The following GTF2F2 variants were observed in gnomAD, a reference collection of about 807,000 sequenced individuals.
GTF2F2 encodes general transcription factor IIF subunit 2.
Under a neutral mutation model 42.2 loss-of-function variants are expected in GTF2F2, and 23 were observed. That is an observed-to-expected ratio of 0.55 (90% CI 0.39 to 0.77). The LOEUF (loss-of-function observed/expected upper bound fraction) is 0.77. GTF2F2 is among the 30% of genes least tolerant of loss of function. The pLI is 0.00. For synonymous variants in GTF2F2, 105 were observed against 100.8 expected (o/e 1.04, Z -0.25); for missense variants, 261 against 287.2 (o/e 0.91, Z 0.66).
At chr13:45,198,684 T>G (rs1302472530) in intron 4 of GTF2F2, among the ~76,000 whole-genome samples, 4 of 152,210 alleles carry the variant, frequency 2.6e-5, no homozygotes, top group Non-Finnish European at 5.9e-5. Context: ...ATCTCTGCCT[T>G]GGACTTGCCC....
intron 4 of GTF2F2, among the ~76,000 whole-genome samples, chr13:45,169,106 C>T (rs1343532419): frequency 4.6e-5 from 7 of 151,752 alleles, no homozygotes; most frequent in East Asian, 1.9e-4. Context: ...CCGATCGCCT[C>T]GGCCTCCCAA....
In GTF2F2 at chr13:45,255,871, A is replaced by G. The variant is rs112828667; in HGVS notation, c.486+2901A>G. ...GAAAGACTGCACTTTCATAGGCTGT[A>G]AAGAGTTGTTACCTTTCTAGAGGGA... On this transcript the variant is annotated intron_variant, in intron 6 of 7. Transcript: ENST00000340473. Among the ~76,000 whole-genome samples, 328 of 152,262 alleles carry G rather than the reference A, an allele frequency of 2.2e-3. 3 individuals carry two copies. Among genetic ancestry groups the G allele is most frequent in the African/African-American group, 7.5e-3 (313 of 41,566 alleles).
chr13:45,182,968 A>G (rs1006573275), intron 4 of GTF2F2, among the ~76,000 whole-genome samples: 2 of 151,994 alleles, frequency 1.3e-5, no homozygotes, highest in African/African-American at 4.8e-5. Flanking sequence ...GGCTTCTTCC[A>G]TTATTTTAAC....
chr13:45,199,510 A>C (rs1417185958), intron 4 of GTF2F2, among the ~76,000 whole-genome samples: 1 of 96,192 alleles, frequency 1.0e-5, no homozygotes, highest in Non-Finnish European at 2.4e-5. Context: ...TAAGTTTTTT[A>C]AAAATGAAGT....
intron 4 of GTF2F2, among the ~76,000 whole-genome samples, chr13:45,168,897 C>CTCCTTCCT (rs1871446508): frequency 2.8e-3 from 1 of 356 alleles, no homozygotes; most frequent in Non-Finnish European, 5.5e-3. Flanking sequence ...CCCTCCCTCC[C>CTCCTTCCT]TCCCTCCCTC....
intron 3 of GTF2F2, among the ~76,000 whole-genome samples, chr13:45,150,241 T>G (rs1380188894): frequency 6.6e-6 from 1 of 152,234 alleles, no homozygotes; most frequent in East Asian, 1.9e-4. Flanking sequence ...GTCTGTTTAG[T>G]GTAAAATGTG....
intron 4 of GTF2F2, among the ~76,000 whole-genome samples, chr13:45,204,181 T>C (rs1873326154): frequency 6.6e-6 from 1 of 152,190 alleles, no homozygotes; most frequent in Admixed American, 6.5e-5. Flanking sequence ...AATTTGTGTA[T>C]ATTTATGGTA....
At chr13:45,131,221 A>C (rs1869327572) in intron 1 of GTF2F2, among the ~76,000 whole-genome samples, 1 of 151,978 alleles carries the variant, frequency 6.6e-6, no homozygotes, top group South Asian at 2.1e-4. Context: ...AAAAAAAAAA[A>C]AAGAGTATAG....
chr13:45,211,309 G>A (rs1391933555), intron 5 of GTF2F2, among the ~76,000 whole-genome samples: 1 of 150,562 alleles, frequency 6.6e-6, no homozygotes, highest in Non-Finnish European at 1.5e-5. Flanking sequence ...ACTAATTTAA[G>A]TCATGAATTA....
chr13:45,230,557 A>G (rs1278302714), intron 5 of GTF2F2, among the ~76,000 whole-genome samples: 2 of 152,238 alleles, frequency 1.3e-5, no homozygotes, highest in Admixed American at 1.3e-4. Flanking sequence ...TATTTACTAC[A>G]AGTCAGAAAG....
At chr13:45,221,961 A>G (rs1440275484) in intron 5 of GTF2F2, among the ~76,000 whole-genome samples, 1 of 152,102 alleles carries the variant, frequency 6.6e-6, no homozygotes, top group African/African-American at 2.4e-5. Context: ...CCTTCCAACC[A>G]TGCAGTTCTC....
chr13:45,177,647 GT>G (rs1871948906), intron 4 of GTF2F2, among the ~76,000 whole-genome samples: 1 of 152,130 alleles, frequency 6.6e-6, no homozygotes, highest in Non-Finnish European at 1.5e-5. Context: ...AAGTATGAGA[GT>G]AGTGATGCTG....
intron 4 of GTF2F2, among the ~76,000 whole-genome samples, chr13:45,155,543 T>G (rs574421039): frequency 6.6e-6 from 1 of 152,336 alleles, no homozygotes; most frequent in East Asian, 1.9e-4. Flanking sequence ...GCACACTGGG[T>G]ATCTTTTAGG....
chr13:45,244,563 A>G (rs1008783486), intron 5 of GTF2F2, among the ~76,000 whole-genome samples: 1 of 152,256 alleles, frequency 6.6e-6, no homozygotes, highest in Non-Finnish European at 1.5e-5. Flanking sequence ...TAATAATAGA[A>G]AGACTAGTAA....
intron 6 of GTF2F2, 54 bp downstream of exon 6, chr13:45,253,024 A>C: frequency 1.3e-6 from 1 of 771,574 alleles, no homozygotes; most frequent in Non-Finnish European, 2.1e-6. Flanking sequence ...TCTTTTCTGT[A>C]TCATAGAGTC....
intron 7 of GTF2F2, among the ~76,000 whole-genome samples, chr13:45,278,191 C>T (rs545980270): frequency 1.2e-4 from 19 of 152,236 alleles, no homozygotes; most frequent in South Asian, 2.1e-4. Flanking sequence ...GGCTACTGTG[C>T]CTTATGACTA....
intron 5 of GTF2F2, among the ~76,000 whole-genome samples, chr13:45,214,291 G>A (rs2138197923): frequency 6.6e-6 from 1 of 152,204 alleles, no homozygotes; most frequent in Non-Finnish European, 1.5e-5. Flanking sequence ...GTAAGATTCT[G>A]TCATTCATTT....
intron 5 of GTF2F2, among the ~76,000 whole-genome samples, chr13:45,249,778 G>C (rs1875798432): frequency 6.6e-6 from 1 of 152,260 alleles, no homozygotes; most frequent in African/African-American, 2.4e-5. Context: ...TTACCATTTA[G>C]AGAGGCCAAA....
At chr13:45,187,286 G>A (rs572368047) in intron 4 of GTF2F2, among the ~76,000 whole-genome samples, 3 of 152,022 alleles carry the variant, frequency 2.0e-5, no homozygotes, top group African/African-American at 7.2e-5. Context: ...TGTTTTAATT[G>A]TCTCATTTTT....
Sources: gnomAD v4.1 joint callset for allele counts (sites outside exome capture counted in the v4.1 genomes callset) on GRCh38, gnomAD v4.1.1 for gene constraint, MANE v1.5 for transcripts, NCBI Gene and HGNC (gene_info 2026-07-23, HGNC 2026-07-21) for gene names.